TBC1D1: variants seen among roughly 807,000 people sequenced by gnomAD.
TBC1D1 encodes the protein TBC1 (tre-2/USP6, BUB2, cdc16) domain family, member 1.
A neutral mutation model predicts 125.6 loss-of-function variants in TBC1D1; 89 were observed. The observed-to-expected ratio is 0.71, with a 90% CI of 0.60 to 0.85. The LOEUF is 0.85. Ranked by LOEUF, TBC1D1 falls within the 40% of genes least tolerant of loss-of-function variation. TBC1D1 has a pLI of 0.00. For missense variants in TBC1D1, 1,377 were observed against 1,469.2 expected, an observed-to-expected ratio of 0.94 and a Z score of 1.03; for synonymous variants, 565 against 564.1, an observed-to-expected ratio of 1.00 and a Z score of -0.02.
chr4:38,137,485 A>C lies in TBC1D1; in HGVS notation c.*150A>C, dbSNP rs1224431295. On this transcript the variant is annotated 3_prime_UTR_variant, in exon 20 of 20. Coordinates refer to ENST00000261439, the MANE Select transcript of TBC1D1 (RefSeq NM_015173.4). ...CAGCAAGTAGATTCTTACGAACTCC[A>C]ACTTGCAATTCAGGGGGCATGTCCC... The C allele has an allele frequency of 8.6e-7, 1 of 1,165,892 alleles. No individual in the cohort carries two copies. Among genetic ancestry groups the C allele is most frequent in the Non-Finnish European group, 1.1e-6 (1 of 906,046 alleles). 72.2% of individuals were successfully genotyped at this position (1,165,892 alleles called of 1,614,324 possible).
At chr4:38,103,200 C>T in intron 15 of TBC1D1, 43 bp downstream of exon 17, 1 of 1,570,724 alleles carries the variant, frequency 6.4e-7, no homozygotes, top group Non-Finnish European at 8.6e-7. Context: ...GGAAGTTTCA[C>T]TCACATGAAA....
chr4:37,952,171 C>CT, intron 2 of TBC1D1: 1 of 696,166 alleles, frequency 1.4e-6, no homozygotes, highest in Non-Finnish European at 2.7e-6. Context: ...CCCAGTGGCC[C>CT]TGAGACTATT....
At chr4:37,914,430 A>G (rs573485677) in intron 2 of TBC1D1, among the ~76,000 whole-genome samples, 57 of 151,922 alleles carry the variant, frequency 3.8e-4, no homozygotes, top group Non-Finnish European at 8.1e-4. Context: ...CTCTTTTTCC[A>G]TTATCCCTCA....
intron 12 of TBC1D1, among the ~76,000 whole-genome samples, chr4:38,059,966 A>G (rs1377756298): frequency 6.6e-6 from 1 of 152,048 alleles, no homozygotes; most frequent in Non-Finnish European, 1.5e-5. Context: ...ATGAGCAAAA[A>G]CATGTGGTGT....
chr4:38,093,122 T>G (rs1229601809), intron 13 of TBC1D1, among the ~76,000 whole-genome samples: 3 of 152,202 alleles, frequency 2.0e-5, no homozygotes, highest in Non-Finnish European at 4.4e-5. Context: ...CTTAGAGAGA[T>G]AGGCATTCTA....
chr4:38,005,104 C>T (rs1204890682), intron 2 of TBC1D1, among the ~76,000 whole-genome samples: 1 of 152,106 alleles, frequency 6.6e-6, no homozygotes, highest in African/African-American at 2.4e-5. Context: ...AAATGATTGA[C>T]CTTTCTGTTG....
At chr4:37,894,025 G>C (rs1263744331) in intron 1 of TBC1D1, among the ~76,000 whole-genome samples, 1 of 146,260 alleles carries the variant, frequency 6.8e-6, no homozygotes, top group Non-Finnish European at 1.5e-5. Flanking sequence ...GTCTTGCTGT[G>C]TCACCCAGGC....
chr4:38,082,797 G>A (rs191400895), intron 12 of TBC1D1, among the ~76,000 whole-genome samples: 62 of 152,256 alleles, frequency 4.1e-4, no homozygotes, highest in Non-Finnish European at 6.2e-4. Context: ...TCCCACTGCC[G>A]TGTGGTCTTC....
intron 13 of TBC1D1, among the ~76,000 whole-genome samples, chr4:38,090,415 A>C (rs1217513843): frequency 1.3e-5 from 2 of 151,536 alleles, no homozygotes; most frequent in African/African-American, 2.4e-5. Context: ...GGTGCTTTTC[A>C]TTTTGTTTTG....
In TBC1D1 at chr4:37,916,318, C is replaced by G. The variant is rs75881544; in HGVS notation, c.417+13806C>G. On this transcript the variant is annotated intron_variant, in intron 2 of 19. Coordinates refer to ENST00000261439, the MANE Select transcript of TBC1D1 (RefSeq NM_015173.4). ...TTATAACTCAGCTCTCTCTCTTGTT[C>G]TCTCTCTCTGTATGTGTGTGTGTAT... 5.5e-3 allele frequency among the ~76,000 whole-genome samples: 831 copies of G among 151,880 alleles called. 6 individuals carry two copies. Among genetic ancestry groups the G allele is most frequent in the African/African-American group, 0.018 (749 of 41,396 alleles).
chr4:38,020,599 A>G lies in TBC1D1; in HGVS notation c.981A>G (p.Arg327=), dbSNP rs768513986. ...TTCTCTCCCTTTGGCAGGGCATCAG[A>G]CACGTGGACCACTTTGGGTTTATCT... Residue 327 remains arginine, a synonymous_variant, in exon 5 of 20, where the codon AGA becomes AGG. Transcript: ENST00000261439. 1.2e-6 allele frequency: 2 copies of G among 1,612,854 alleles called. No homozygotes were observed. The highest frequency in any genetic ancestry group is 1.7e-6 in the Non-Finnish European group (2 of 1,179,184).
At chr4:38,033,117 G>A (rs956579574) in intron 7 of TBC1D1, among the ~76,000 whole-genome samples, 16 of 152,108 alleles carry the variant, frequency 1.1e-4, no homozygotes, top group African/African-American at 3.9e-4. Context: ...TTCCCAGTTG[G>A]TCTAATTTCC....
At chr4:38,107,160 C>T (rs1055358153) in intron 15 of TBC1D1, among the ~76,000 whole-genome samples, 9 of 152,316 alleles carry the variant, frequency 5.9e-5, no homozygotes, top group Non-Finnish European at 8.8e-5. Flanking sequence ...AGGGACTCCC[C>T]GGGGTCAGTC....
chr4:37,990,699 A>G lies in TBC1D1; in HGVS notation c.418-23810A>G, dbSNP rs897586649. Reference sequence around the variant, plus strand: ...ATTTTTATCACACTAGTGTTTCAGTAAAAGCAGCCCTTCAAGTCTGTGCCA... The same window carrying G: ...ATTTTTATCACACTAGTGTTTCAGTGAAAGCAGCCCTTCAAGTCTGTGCCA... On this transcript the variant is annotated intron_variant, in intron 2 of 19. Transcript: ENST00000261439. 2.6e-5 allele frequency among the ~76,000 whole-genome samples: 4 copies of G among 152,204 alleles called. No homozygotes were observed. In the East Asian group the frequency reaches 7.7e-4, roughly 29 times the overall value.
intron 2 of TBC1D1, among the ~76,000 whole-genome samples, chr4:37,950,673 C>A (rs1727656240): frequency 1.4e-5 from 2 of 147,896 alleles, no homozygotes; most frequent in African/African-American, 5.0e-5. Flanking sequence ...ACATTATTCT[C>A]ACCCAAAATT....
intron 2 of TBC1D1, among the ~76,000 whole-genome samples, chr4:37,954,642 T>C (rs926422700): frequency 1.3e-5 from 2 of 152,016 alleles, no homozygotes; most frequent in South Asian, 4.2e-4. Context: ...TGATTCAAGT[T>C]AGAGATGATG....
chr4:37,965,371 C>A (rs1335216977), intron 2 of TBC1D1, among the ~76,000 whole-genome samples: 1 of 152,222 alleles, frequency 6.6e-6, no homozygotes, highest in Non-Finnish European at 1.5e-5. Flanking sequence ...AGATAGGAAG[C>A]ACTCAATACA....
chr4:37,902,032 T>C lies in TBC1D1; in HGVS notation c.-64T>C. ...CTGCATATGAAGTGTGTAAAATAGA[T>C]TGCTTGATCCAAAACAGAAAAACAG... On this transcript the variant is annotated 5_prime_UTR_variant, in exon 2 of 20. Coordinates refer to ENST00000261439, the MANE Select transcript of TBC1D1 (RefSeq NM_015173.4). The C allele has an allele frequency of 6.7e-7, 1 of 1,494,752 alleles. No individual in the cohort carries two copies. Among genetic ancestry groups the C allele is most frequent in the African/African-American group, 1.4e-5 (1 of 71,244 alleles). The allele number at this position is 1,494,752 out of a possible 1,614,324, so 92.6% of individuals were successfully genotyped here.
At chr4:38,049,921 G>T in intron 11 of TBC1D1, 23 bp downstream of exon 11, 1 of 1,595,938 alleles carries the variant, frequency 6.3e-7, no homozygotes, top group Non-Finnish European at 8.5e-7. Flanking sequence ...TAAATTTGTT[G>T]CATAAATAGC....
Sources: gnomAD v4.1 joint callset for allele counts (sites outside exome capture counted in the v4.1 genomes callset) on GRCh38, gnomAD v4.1.1 for gene constraint, MANE v1.5 for transcripts, NCBI Gene and HGNC (gene_info 2026-07-23, HGNC 2026-07-21) for gene names.